The following AHRR variants were observed in gnomAD, a reference collection of about 807,000 sequenced individuals.
AHRR encodes ahR repressor.
AHRR carries 28 observed loss-of-function variants against 44.0 expected under a neutral mutation model. The ratio of observed to expected loss-of-function variants is 0.64; its 90% CI spans 0.47 to 0.87. AHRR has a LOEUF of 0.87. Among genes scored for constraint, AHRR ranks in the 40% least tolerant of loss-of-function variants. The probability of loss-of-function intolerance (pLI) is 0.00; values close to 1 mark genes in which losing one functional copy is unlikely to be tolerated. For synonymous variants in AHRR, 434 were observed against 407.0 expected (o/e 1.07, Z -0.80); for missense variants, 990 against 953.9 (o/e 1.04, Z -0.50).
intron 1 of AHRR, among the ~76,000 whole-genome samples, chr5:333,570 TG>T (rs1047044764): frequency 8.9e-4 from 136 of 152,274 alleles, no homozygotes; most frequent in African/African-American, 3.2e-3. Context: ...CACTCCAGCC[TG>T]GGTGACAGAG....
At position 385,405 on chromosome 5, in the gene AHRR, C is replaced by T. The variant is rs77903472; in HGVS notation, c.351+8689C>T. Reference sequence around the variant, plus strand: ...GCCCAGGCCAGTCATAAACTCCTGACCTGAAGCAGTTCTCCTGCCTCAGCC... The same window carrying T: ...GCCCAGGCCAGTCATAAACTCCTGATCTGAAGCAGTTCTCCTGCCTCAGCC... On this transcript the variant is annotated intron_variant, in intron 4 of 10. Coordinates refer to ENST00000684583, the MANE Select transcript of AHRR (RefSeq NM_001377236.1). Among the ~76,000 whole-genome samples the T allele has an allele frequency of 8.6e-3, 1,304 of 152,158 alleles. 8 individuals carry two copies. The highest frequency in any genetic ancestry group is 0.027 in the Middle Eastern group (8 of 294).
rs1039908275 is a variant in AHRR at position 411,287 on chromosome 5, T to G, written c.352-2057T>G. ...GCTCACTGGCATTTGATGCTGACCCTTCTGCTTGTGTGTAATTGGAGGTTT... is the reference window on the plus strand; with the variant it reads ...GCTCACTGGCATTTGATGCTGACCCGTCTGCTTGTGTGTAATTGGAGGTTT... On this transcript the variant is annotated intron_variant, in intron 4 of 10. Coordinates refer to ENST00000684583, the MANE Select transcript of AHRR (RefSeq NM_001377236.1). The surrounding 1 kb of genome is among the most constrained non-coding windows in gnomAD (Gnocchi z 4.2). Among the ~76,000 whole-genome samples the G allele has an allele frequency of 3.9e-5, 6 of 151,946 alleles. No individual in the cohort carries two copies. The highest frequency in any genetic ancestry group is 8.8e-5 in the Non-Finnish European group (6 of 68,004).
chr5:428,830 G>A (rs964831861), intron 8 of AHRR, among the ~76,000 whole-genome samples: 5 of 152,228 alleles, frequency 3.3e-5, no homozygotes, highest in Admixed American at 6.5e-5. Context: ...TCATGAGCTC[G>A]AACCTAGGGC....
Position 387,704 on chromosome 5 carries a change from G to A in AHRR, c.351+10988G>A, listed in dbSNP as rs112317010. Among the ~76,000 whole-genome samples, 1,825 of 152,330 alleles carry A rather than the reference G, an allele frequency of 0.012. 18 individuals carry two copies. The highest frequency in any genetic ancestry group is 0.018 in the Non-Finnish European group (1,222 of 68,018). ...ACACATAGTGGTGATGGTGGTGGAC[G>A]CTCGTGTTTTCTGAGTGTGATCGTG... On this transcript the variant is annotated intron_variant, in intron 4 of 10. Transcript: ENST00000684583. This position sits in a 1 kb window ranked among gnomAD's most constrained non-coding sequence, Gnocchi z 5.1.
Position 432,946 on chromosome 5 carries a change from G to T in AHRR, c.1111G>T (p.Gly371Trp). The change falls in exon 10 of 11, where the codon GGG (glycine) becomes TGG (tryptophan). Residue 371 changes from glycine (G) to tryptophan (W), a missense_variant and splice_region_variant. By Grantham distance (184) the Gly-to-Trp change is radical. Transcript: ENST00000684583. ...TGTCCTTGACCCCAAGGGGGGCTCA[G>T]GGTAAGTGGTGCCAGGCAGCCTCCC... ...DLVLDPKGGS[G>W]DREEEQHRML... 1 of 1,595,732 alleles carries T rather than the reference G, an allele frequency of 6.3e-7. No individual in the cohort carries two copies.
intron 4 of AHRR, among the ~76,000 whole-genome samples, chr5:393,679 C>T (rs147967608): frequency 2.4e-4 from 36 of 152,206 alleles, no homozygotes; most frequent in African/African-American, 8.7e-4. Flanking sequence ...ACTCTGTTTC[C>T]CAGGCTGGAG....
chr5:373,745 GC>G lies in AHRR; in HGVS notation c.245-2861del, dbSNP rs368416763. 2.6e-4 allele frequency among the ~76,000 whole-genome samples: 40 copies of G among 151,788 alleles called. No homozygotes were observed. In the East Asian group the frequency reaches 2.7e-3, roughly 10 times the overall value. On this transcript the variant is annotated intron_variant, in intron 3 of 10. Coordinates refer to ENST00000684583, the MANE Select transcript of AHRR (RefSeq NM_001377236.1). Reference sequence around the variant, plus strand: ...GGGGAGGCCGTGGCCGGGTCCGCCCGCCCCGTGTGCACCCGGAGCGCCCGCG... The same window carrying G: ...GGGGAGGCCGTGGCCGGGTCCGCCCGCCCGTGTGCACCCGGAGCGCCCGCG...
At position 403,280 on chromosome 5, in the gene AHRR, G is replaced by A. The variant is rs372661350; in HGVS notation, c.352-10064G>A. On this transcript the variant is annotated intron_variant, in intron 4 of 10. Transcript: ENST00000684583. ...GGGTGGGAATGTTCTGAAGATGGAC[G>A]GTCATGATGGTTGCACAACAATGTG... Among the ~76,000 whole-genome samples, 148 of 152,176 alleles carry A rather than the reference G, an allele frequency of 9.7e-4. 7 individuals are homozygous for A. In the East Asian group the frequency reaches 0.013, roughly 13 times the overall value.
In AHRR at chr5:421,180, G is replaced by A. The variant is rs550207573; in HGVS notation, c.442-1549G>A. On this transcript the variant is annotated intron_variant, in intron 5 of 10. Coordinates refer to ENST00000684583, the MANE Select transcript of AHRR (RefSeq NM_001377236.1). Reference sequence around the variant, plus strand: ...TGGGAGGCCGCTCTGGCGCCCGGCTGGTGCCGGGCAGGAGGCCCTTGCGGA... The same window carrying A: ...TGGGAGGCCGCTCTGGCGCCCGGCTAGTGCCGGGCAGGAGGCCCTTGCGGA... The A allele has an allele frequency of 3.8e-5, 23 of 603,570 alleles. 1 individual carries two copies. Among genetic ancestry groups the A allele is most frequent in the East Asian group, 1.9e-4 (6 of 32,138 alleles). The allele number at this position is 603,570 out of a possible 1,614,324, so 37.4% of individuals were successfully genotyped here.
chr5:420,988 C>A (rs1736080957), intron 5 of AHRR: 1 of 366,566 alleles, frequency 2.7e-6, no homozygotes, highest in Non-Finnish European at 4.9e-6. Context: ...AAAATATACA[C>A]GATGGTTCTT....
rs1460897221 is a variant in AHRR at position 383,632 on chromosome 5, A to G, written c.351+6916A>G. 6.6e-6 allele frequency among the ~76,000 whole-genome samples: 1 copy of G among 151,498 alleles called. No homozygotes were observed. The highest frequency in any genetic ancestry group is 1.5e-5 in the Non-Finnish European group (1 of 67,966). On this transcript the variant is annotated intron_variant, in intron 4 of 10. Coordinates refer to ENST00000684583, the MANE Select transcript of AHRR (RefSeq NM_001377236.1). This position sits in a 1 kb window ranked among gnomAD's most constrained non-coding sequence, Gnocchi z 4.0. Reference sequence around the variant, plus strand: ...GGCTGAAGTGCAGCAATGTGATCATAGCTCACTGTAACCTTGAACTCCTGA... The same window carrying G: ...GGCTGAAGTGCAGCAATGTGATCATGGCTCACTGTAACCTTGAACTCCTGA...
rs866250863 is a variant in AHRR at position 412,778 on chromosome 5, T to G, written c.352-566T>G. Among the ~76,000 whole-genome samples, 5 of 144,128 alleles carry G rather than the reference T, an allele frequency of 3.5e-5. No individual in the cohort carries two copies. The South Asian group carries it at 9.0e-4, about 26-fold the overall frequency. 94.6% of individuals were successfully genotyped at this position (144,128 alleles called of 152,430 possible). A position where few individuals can be genotyped will look rare whatever the true frequency, so the allele number is the denominator to read the frequency against. ...CTCCATTGCATAGGCTGGAGGGCAG[T>G]GGTGCGACCTCGGCTCGCTGCAACC... On this transcript the variant is annotated intron_variant, in intron 4 of 10. Coordinates refer to ENST00000684583, the MANE Select transcript of AHRR (RefSeq NM_001377236.1).
chr5:413,053 T>C (rs1735535426), intron 4 of AHRR, among the ~76,000 whole-genome samples: 2 of 152,096 alleles, frequency 1.3e-5, no homozygotes. Context: ...AACAGAGAGC[T>C]CCTGCCTCGT....
intron 1 of AHRR, among the ~76,000 whole-genome samples, chr5:328,945 T>C (rs756636136): frequency 9.2e-5 from 14 of 152,192 alleles, no homozygotes; most frequent in Non-Finnish European, 1.5e-4. Flanking sequence ...AGTGATATGG[T>C]TAGGTTTTGT....
chr5:340,092 T>C (rs1579595157), intron 1 of AHRR, among the ~76,000 whole-genome samples: 1 of 152,224 alleles, frequency 6.6e-6, no homozygotes, highest in Non-Finnish European at 1.5e-5. Flanking sequence ...TTTTCTTTGA[T>C]ATTTTTTGCC....
At chr5:402,405 G>T (rs1165453888) in intron 4 of AHRR, among the ~76,000 whole-genome samples, 2 of 142,940 alleles carry the variant, frequency 1.4e-5, no homozygotes, top group African/African-American at 2.7e-5. Context: ...CGGGAAGGCA[G>T]TCGTTGTTGA....
intron 3 of AHRR, among the ~76,000 whole-genome samples, chr5:360,438 A>G (rs560552161): frequency 1.2e-3 from 176 of 152,332 alleles, no homozygotes; most frequent in African/African-American, 4.1e-3. Flanking sequence ...CCACATACCT[A>G]AGAATGTGGA....
chr5:349,167 C>T (rs962605099), intron 2 of AHRR, among the ~76,000 whole-genome samples: 2 of 152,316 alleles, frequency 1.3e-5, no homozygotes, highest in Admixed American at 6.5e-5. Context: ...TGTTTTCTTA[C>T]TATTGAGTTG....
chr5:376,455 T>C (rs1733643072), intron 3 of AHRR, among the ~76,000 whole-genome samples, 155 bp from the exon 4 acceptor site: 1 of 152,264 alleles, frequency 6.6e-6, no homozygotes, highest in African/African-American at 2.4e-5. Flanking sequence ...GGCTGTGGAA[T>C]GCTGCGTGGC....
Sources: gnomAD v4.1 joint callset for allele counts (sites outside exome capture counted in the v4.1 genomes callset) on GRCh38, gnomAD v4.1.1 for gene constraint, Gnocchi (gnomAD v3.1) non-coding constraint, MANE v1.5 for transcripts, NCBI Gene and HGNC (gene_info 2026-07-23, HGNC 2026-07-21) for gene names.